The following DNAH14 variants were observed in gnomAD, a reference collection of about 807,000 sequenced individuals.
DNAH14 encodes the protein dynein axonemal heavy chain 14, also known as axonemal beta dynein heavy chain 14.
A neutral mutation model predicts 520.9 loss-of-function variants in DNAH14; 478 were observed. The observed-to-expected ratio is 0.92, with a 90% CI of 0.85 to 0.99. The LOEUF is 0.99. Ranked by LOEUF, DNAH14 falls within the 50% of genes least tolerant of loss-of-function variation. The pLI, the probability that DNAH14 is intolerant of heterozygous loss-of-function variation, is 0.00. For synonymous variants in DNAH14, 1,581 were observed against 1,757.2 expected (o/e 0.90, Z 2.51); for missense variants, 4,831 against 5,234.5 (o/e 0.92, Z 2.38).
intron 74 of DNAH14, among the ~76,000 whole-genome samples, chr1:225,360,104 T>C (rs1246341053): frequency 6.6e-6 from 1 of 152,214 alleles, no homozygotes; most frequent in Non-Finnish European, 1.5e-5. Flanking sequence ...TAGTGTTTGG[T>C]TTTCTGTTCC....
intron 77 of DNAH14, among the ~76,000 whole-genome samples, chr1:225,372,823 C>T (rs1174639577): frequency 7.1e-6 from 1 of 140,458 alleles, no homozygotes; most frequent in Non-Finnish European, 1.6e-5. Flanking sequence ...CTGTGACATA[C>T]AAAGAGCTCT....
chr1:225,354,417 C>T (rs1356628678), intron 73 of DNAH14: 1 of 619,012 alleles, frequency 1.6e-6, no homozygotes, highest in East Asian at 2.8e-5. Flanking sequence ...CAGAAACTGG[C>T]TGAGGGTAGA....
intron 10 of DNAH14, among the ~76,000 whole-genome samples, chr1:225,007,921 TTTTTTC>T (rs1239978122): frequency 3.0e-5 from 3 of 99,134 alleles, no homozygotes; most frequent in Admixed American, 1.1e-4. Context: ...TGTACATTTC[TTTTTTC>T]TTTTTTTTTT....
At position 225,085,714 on chromosome 1, in the gene DNAH14, C is replaced by T. The variant is rs551991130; in HGVS notation, c.3498C>T (p.Asp1166=). The T allele has an allele frequency of 5.8e-5, 90 of 1,551,382 alleles. No homozygotes were observed. The South Asian group carries it at 9.2e-4, about 16-fold the overall frequency. The change falls in exon 21 of 86, where the codon GAC becomes GAT. Residue 1166 remains aspartate (D), a synonymous_variant. Coordinates refer to ENST00000682510, the MANE Select transcript of DNAH14 (RefSeq NM_001367479.1). ...TCTTCATAATTCCATCTATAGATGA[C>T]ATATCAGCTCAGTTAGAAGAGTCTC... is the stretch of plus-strand genomic sequence containing the variant. ...YSIFIIPSID[D]ISAQLEESQV... is the part of the protein sequence containing the mutation.
intron 48 of DNAH14, among the ~76,000 whole-genome samples, chr1:225,266,111 T>C (rs1247035027): frequency 6.6e-6 from 1 of 152,114 alleles, no homozygotes; most frequent in Non-Finnish European, 1.5e-5. Context: ...TTAACACAGG[T>C]TTAAAATTTG....
chr1:224,956,588 T>C (rs1019544629), intron 3 of DNAH14, among the ~76,000 whole-genome samples: 1 of 152,158 alleles, frequency 6.6e-6, no homozygotes, highest in African/African-American at 2.4e-5. Context: ...TGTGACAGAA[T>C]TGCCTAATGA....
intron 37 of DNAH14, among the ~76,000 whole-genome samples, chr1:225,188,115 A>G (rs1204263348): frequency 6.6e-6 from 1 of 151,956 alleles, no homozygotes; most frequent in African/African-American, 2.4e-5. Flanking sequence ...CACAATAGAT[A>G]TGTTGTGATT....
chr1:225,102,292 G>T (rs111304225), intron 23 of DNAH14, among the ~76,000 whole-genome samples: 5 of 151,846 alleles, frequency 3.3e-5, no homozygotes, highest in Admixed American at 6.6e-5. Flanking sequence ...GTCTATCATT[G>T]TTGGACATTT....
intron 39 of DNAH14, among the ~76,000 whole-genome samples, chr1:225,204,595 T>C (rs1284287427): frequency 1.3e-5 from 2 of 152,210 alleles, no homozygotes; most frequent in East Asian, 1.9e-4. Context: ...TTGCCACTGA[T>C]ATTGCCTCTG....
At chr1:225,209,767 G>T (rs919474777) in intron 41 of DNAH14, among the ~76,000 whole-genome samples, 1 of 152,148 alleles carries the variant, frequency 6.6e-6, no homozygotes, top group Admixed American at 6.5e-5. Context: ...AACGCAGAAG[G>T]TGGGTGATTT....
chr1:224,970,919 T>C lies in DNAH14; in HGVS notation c.767+2045T>C, dbSNP rs1042784898. ...GCATTATTCTAGATGCCAGGGATAT[T>C]GTATTGAACAAACCAAACAATTATC... is the stretch of plus-strand genomic sequence containing the variant. On this transcript the variant is annotated intron_variant, in intron 7 of 85. Transcript: ENST00000682510. Among the ~76,000 whole-genome samples the C allele has an allele frequency of 2.0e-5, 3 of 152,102 alleles. No individual in the cohort carries two copies. In the East Asian group the frequency reaches 5.8e-4, roughly 29 times the overall value.
At chr1:225,155,524 TA>T (rs2080942248) in intron 34 of DNAH14, among the ~76,000 whole-genome samples, 2 of 152,238 alleles carry the variant, frequency 1.3e-5, no homozygotes, top group African/African-American at 4.8e-5. Flanking sequence ...ATAGCACTCA[TA>T]TATGAAACCC....
chr1:225,068,442 G>A (rs1403906057), intron 17 of DNAH14, among the ~76,000 whole-genome samples: 3 of 152,052 alleles, frequency 2.0e-5, no homozygotes, highest in Admixed American at 2.0e-4. Context: ...TCTTTTTCTG[G>A]TTTCACTTGA....
At chr1:225,282,424 T>A (rs2093646533) in intron 54 of DNAH14, among the ~76,000 whole-genome samples, 2 of 152,194 alleles carry the variant, frequency 1.3e-5, no homozygotes, top group South Asian at 4.1e-4. Flanking sequence ...TTAGACCCTG[T>A]CCAATGCTGG....
intron 43 of DNAH14, among the ~76,000 whole-genome samples, chr1:225,242,958 A>G (rs986744278): frequency 6.6e-6 from 1 of 152,216 alleles, no homozygotes; most frequent in African/African-American, 2.4e-5. Flanking sequence ...TTAAAACATC[A>G]TTGTGTGGCA....
intron 77 of DNAH14, among the ~76,000 whole-genome samples, chr1:225,373,032 T>C (rs1003208460): frequency 4.0e-5 from 6 of 151,824 alleles, no homozygotes; most frequent in Non-Finnish European, 7.4e-5. Context: ...TTCCTGTTAG[T>C]GGCAGGGATG....
chr1:225,111,835 G>C (rs560391446), intron 23 of DNAH14, among the ~76,000 whole-genome samples: 1 of 151,932 alleles, frequency 6.6e-6, no homozygotes, highest in Non-Finnish European at 1.5e-5. Flanking sequence ...CATGAGGCTT[G>C]CAAATAATAT....
intron 37 of DNAH14, among the ~76,000 whole-genome samples, chr1:225,185,946 G>GGTTTTT (rs372922426): frequency 2.0e-5 from 2 of 98,770 alleles, no homozygotes; most frequent in African/African-American, 7.6e-5. Context: ...ATTACACTTT[G>GGTTTTT]TTTTTTTTTT....
chr1:225,078,156 A>G (rs1215742610), intron 17 of DNAH14, among the ~76,000 whole-genome samples: 2 of 152,222 alleles, frequency 1.3e-5, no homozygotes, highest in Admixed American at 6.5e-5. Context: ...TATAATAGAT[A>G]TAAGTATGGT....
Sources: gnomAD v4.1 joint callset for allele counts (sites outside exome capture counted in the v4.1 genomes callset) on GRCh38, gnomAD v4.1.1 for gene constraint, MANE v1.5 for transcripts, NCBI Gene and HGNC (gene_info 2026-07-23, HGNC 2026-07-21) for gene names.